Variants in EYA1 observed in about 807,000 individuals in gnomAD.
The protein encoded by EYA1 is protein phosphatase EYA1.
In EYA1, 16 loss-of-function variants were observed where a neutral mutation model predicts 82.0. The observed-to-expected ratio is 0.20, with a 90% CI of 0.13 to 0.30. The LOEUF is 0.30. Among genes scored for constraint, EYA1 ranks in the 10% least tolerant of loss-of-function variants. The pLI is 1.00. For synonymous variants in EYA1, 261 were observed against 264.4 expected, an observed-to-expected ratio of 0.99 and a Z score of 0.12; for missense variants, 633 against 730.7, an observed-to-expected ratio of 0.87 and a Z score of 1.54.
rs562087599 is a variant in EYA1 at position 71,199,263 on chromosome 8, G to T, written c.*77C>A. On this transcript the variant is annotated 3_prime_UTR_variant, in exon 18 of 18. Transcript: ENST00000340726. ...AAATTGCTAAGTTCTGGAGGCCGGC[G>T]CTGATGCGAGACTGGGGCCTGCTGG... 1 of 1,074,120 alleles carries T rather than the reference G, an allele frequency of 9.3e-7. No homozygotes were observed. Among genetic ancestry groups the T allele is most frequent in the Non-Finnish European group, 1.4e-6 (1 of 716,338 alleles). The allele number at this position is 1,074,120 out of a possible 1,614,324, so 66.5% of individuals were successfully genotyped here.
chr8:71,397,974 G>A (rs1482345294), intron 2 of EYA1, among the ~76,000 whole-genome samples: 1 of 152,152 alleles, frequency 6.6e-6, no homozygotes, highest in East Asian at 1.9e-4. Context: ...ATTTCTTGGA[G>A]GCTTTGTTCA....
intron 2 of EYA1, among the ~76,000 whole-genome samples, chr8:71,520,383 C>T (rs1013188654): frequency 1.3e-5 from 2 of 152,016 alleles, no homozygotes; most frequent in Non-Finnish European, 2.9e-5. Context: ...GCCCCTCAAG[C>T]GGAACAATGG....
At chr8:71,372,810 G>A (rs777236616) in intron 2 of EYA1, among the ~76,000 whole-genome samples, 1 of 152,158 alleles carries the variant, frequency 6.6e-6, no homozygotes, top group South Asian at 2.1e-4. Flanking sequence ...TTATCTCTAG[G>A]ATTCAAGGTT....
chr8:71,322,788 T>C (rs1822729031), intron 4 of EYA1, among the ~76,000 whole-genome samples: 1 of 152,230 alleles, frequency 6.6e-6, no homozygotes, highest in Admixed American at 6.5e-5. Flanking sequence ...TGCATTGATT[T>C]AGCAATGGTT....
chr8:71,457,159 A>G (rs1807996910), intron 2 of EYA1, among the ~76,000 whole-genome samples: 1 of 152,246 alleles, frequency 6.6e-6, no homozygotes, highest in African/African-American at 2.4e-5. Flanking sequence ...CACATGAAAA[A>G]ATGCTCATCA....
At chr8:71,333,006 T>C (rs1164211167) in intron 4 of EYA1, among the ~76,000 whole-genome samples, 1 of 152,162 alleles carries the variant, frequency 6.6e-6, no homozygotes, top group African/African-American at 2.4e-5. Context: ...GGTCCCTTCG[T>C]GGGTGTTCTT....
intron 3 of EYA1, among the ~76,000 whole-genome samples, chr8:71,354,096 C>T (rs770673856): frequency 8.6e-5 from 13 of 151,812 alleles, no homozygotes; most frequent in Non-Finnish European, 1.2e-4. Flanking sequence ...CTTAAGTATA[C>T]GTGGATCAAA....
At chr8:71,465,571 C>T (rs1808712082) in intron 2 of EYA1, among the ~76,000 whole-genome samples, 1 of 151,942 alleles carries the variant, frequency 6.6e-6, no homozygotes, top group Non-Finnish European at 1.5e-5. Context: ...TGCAGTGAGC[C>T]AAGATTGAGC....
intron 4 of EYA1, among the ~76,000 whole-genome samples, chr8:71,329,727 G>T (rs34524245): frequency 0.28 from 42,324 of 152,092 alleles, 6,173 homozygotes; most frequent in African/African-American, 0.35. Flanking sequence ...AGGTACTGTT[G>T]TAGGTGTCAG....
chr8:71,542,258 C>T lies in EYA1; in HGVS notation c.-73+5606G>A, dbSNP rs7816500. 9.7e-3 allele frequency among the ~76,000 whole-genome samples: 1,471 copies of T among 152,140 alleles called. 28 individuals carry two copies. Among genetic ancestry groups the T allele is most frequent in the African/African-American group, 0.033 (1,378 of 41,492 alleles). ...GATAGACTCCAGGGTGTGTTGTTCC[C>T]CTTTATGTATCCATGTGTTCTTATC... On this transcript the variant is annotated intron_variant, in intron 1 of 18. Coordinates refer to the EYA1 transcript ENST00000643681.
rs376485511 is a variant in EYA1 at position 71,526,560 on chromosome 8, G to T, written c.33+9184C>A. Among the ~76,000 whole-genome samples, 31 of 152,218 alleles carry T rather than the reference G, an allele frequency of 2.0e-4. No homozygotes were observed. The East Asian group carries it at 2.3e-3, about 11-fold the overall frequency. On this transcript the variant is annotated intron_variant, in intron 2 of 18. Coordinates refer to the EYA1 transcript ENST00000643681. ...CTGCAGTCATCTGAAGGCTTAACTG[G>T]GGCTGCATGATCTGCTTGTAAGATG...
intron 9 of EYA1, among the ~76,000 whole-genome samples, chr8:71,284,951 A>C (rs1272558480): frequency 6.6e-6 from 1 of 152,182 alleles, no homozygotes; most frequent in Non-Finnish European, 1.5e-5. Context: ...GCATTTTAAA[A>C]ATGGAAATTT....
Position 71,290,977 on chromosome 8 carries a change from T to C in EYA1, c.826+8070A>G, listed in dbSNP as rs929115865. The stretch of plus-strand genomic sequence containing the variant: ...ATTAGTTAAAATTGTTTTGCTGAAA[T>C]AGTTTATTTTTGAGCTGAACAAATT... On this transcript the variant is annotated intron_variant, in intron 9 of 17. Coordinates refer to ENST00000340726, the MANE Select transcript of EYA1 (RefSeq NM_000503.6). 1.3e-5 allele frequency among the ~76,000 whole-genome samples: 2 copies of C among 152,224 alleles called. 1 individual carries two copies. Among genetic ancestry groups the C allele is most frequent in the South Asian group, 4.1e-4 (2 of 4,836 alleles).
chr8:71,216,816 T>A lies in EYA1; in HGVS notation c.1236A>T (p.Ala412=). Residue 412 remains alanine (A), a synonymous_variant, in exon 14 of 18, where the codon GCA becomes GCT. Transcript: ENST00000340726. ...CCAAACATAAGTTAGCACTGGTTGC[T>A]GCAGCAGGAAAGCCATCTGTTCCAA... is the stretch of plus-strand genomic sequence containing the variant. ...YNFGTDGFPA[A]ATSANLCLAT... is the part of the protein sequence containing the mutation. The A allele has an allele frequency of 6.2e-7, 1 of 1,614,218 alleles. No individual in the cohort carries two copies. The highest frequency in any genetic ancestry group is 8.5e-7 in the Non-Finnish European group (1 of 1,180,020).
At chr8:71,435,523 T>C (rs990403150) in intron 2 of EYA1, among the ~76,000 whole-genome samples, 1 of 152,094 alleles carries the variant, frequency 6.6e-6, no homozygotes, top group Non-Finnish European at 1.5e-5. Context: ...GAAATGATCT[T>C]ACCACTTAAT....
intron 9 of EYA1, among the ~76,000 whole-genome samples, chr8:71,295,427 A>T (rs1819492878): frequency 6.6e-6 from 1 of 152,222 alleles, no homozygotes; most frequent in African/African-American, 2.4e-5. Context: ...ATCTCTACAG[A>T]CACCTCACCA....
At chr8:71,218,540 C>T (rs1475514473) in intron 12 of EYA1, among the ~76,000 whole-genome samples, 1 of 152,062 alleles carries the variant, frequency 6.6e-6, no homozygotes, top group Non-Finnish European at 1.5e-5. Context: ...ACCTTGTAAC[C>T]CTCCCCTGCT....
At chr8:71,480,639 G>C (rs1023677040) in intron 2 of EYA1, among the ~76,000 whole-genome samples, 3 of 151,576 alleles carry the variant, frequency 2.0e-5, no homozygotes, top group Non-Finnish European at 4.4e-5. Context: ...CAAAACCTGA[G>C]CCTAATTTCT....
chr8:71,276,476 A>G (rs1369893426), intron 9 of EYA1, among the ~76,000 whole-genome samples: 1 of 152,182 alleles, frequency 6.6e-6, no homozygotes, highest in Non-Finnish European at 1.5e-5. Context: ...ACTTGTACCA[A>G]AAGGAATCCT....
Sources: allele counts gnomAD v4.1 joint callset (sites outside exome capture counted in the v4.1 genomes callset), GRCh38; gene constraint gnomAD v4.1.1; transcripts MANE v1.5; gene names NCBI Gene and HGNC (gene_info 2026-07-23, HGNC 2026-07-21).